The following TLN2 variants were observed in gnomAD, a reference collection of about 807,000 sequenced individuals.
The protein encoded by TLN2 is talin 2.
Under a neutral mutation model 294.7 loss-of-function variants are expected in TLN2, and 118 were observed. The observed-to-expected ratio is 0.40, with a 90% confidence interval of 0.34 to 0.47. The LOEUF (loss-of-function observed/expected upper bound fraction) is 0.47, where lower values mean the gene tolerates loss of function less well. TLN2 is among the 20% of genes least tolerant of loss of function. The pLI is 0.84. For synonymous variants in TLN2, 1,431 were observed against 1,304.5 expected, an observed-to-expected ratio of 1.10 and a Z score of -2.09; for missense variants, 3,083 against 3,282.2, an observed-to-expected ratio of 0.94 and a Z score of 1.48.
chr15:62,598,320 C>T (rs939155651), intron 2 of TLN2, among the ~76,000 whole-genome samples: 3 of 152,178 alleles, frequency 2.0e-5, no homozygotes, highest in Non-Finnish European at 4.4e-5. Context: ...TTCTCTGTCT[C>T]TGCCACGTCT....
chr15:62,601,836 G>A (rs141548451), intron 2 of TLN2, among the ~76,000 whole-genome samples: 23 of 152,180 alleles, frequency 1.5e-4, no homozygotes, highest in East Asian at 1.2e-3. Flanking sequence ...TTTTTTTAGC[G>A]TAATTTAATT....
intron 51 of TLN2, among the ~76,000 whole-genome samples, chr15:62,806,376 C>T (rs532666258): frequency 1.3e-5 from 2 of 152,064 alleles, no homozygotes; most frequent in Admixed American, 6.6e-5. Context: ...GAGGCCTCTC[C>T]GAGGGTGGTG....
At chr15:62,394,778 TGGCTTGGGG>T (rs1308549292) in intron 1 of TLN2, among the ~76,000 whole-genome samples, 2 of 152,146 alleles carry the variant, frequency 1.3e-5, no homozygotes, top group Non-Finnish European at 2.9e-5. Context: ...TGACAATCTT[TGGCTTGGGG>T]CAGGTGCCAT....
At chr15:62,480,751 G>A (rs879768882) in intron 1 of TLN2, among the ~76,000 whole-genome samples, 1 of 152,076 alleles carries the variant, frequency 6.6e-6, no homozygotes, top group Non-Finnish European at 1.5e-5. Flanking sequence ...TCATTGTGCC[G>A]GGATGTACTT....
chr15:62,643,191 A>C (rs763219759), intron 3 of TLN2, among the ~76,000 whole-genome samples: 3 of 152,204 alleles, frequency 2.0e-5, no homozygotes, highest in Non-Finnish European at 4.4e-5. Flanking sequence ...GGTGAAAATA[A>C]TTAAAATATC....
At chr15:62,789,668 T>G (rs1208939014) in intron 45 of TLN2, among the ~76,000 whole-genome samples, 1 of 152,084 alleles carries the variant, frequency 6.6e-6, no homozygotes, top group African/African-American at 2.4e-5. Context: ...AAGATACAGG[T>G]GTTCGTCCCG....
intron 6 of TLN2, among the ~76,000 whole-genome samples, chr15:62,652,804 A>G (rs976287269): frequency 6.6e-6 from 1 of 152,190 alleles, no homozygotes; most frequent in Non-Finnish European, 1.5e-5. Flanking sequence ...CCTTTATGAA[A>G]GGAATTACTT....
chr15:62,610,053 T>C (rs1174016969), intron 2 of TLN2, among the ~76,000 whole-genome samples: 3 of 152,196 alleles, frequency 2.0e-5, no homozygotes, highest in African/African-American at 7.2e-5. Flanking sequence ...GTACTTACCC[T>C]GCTCCAGACT....
chr15:62,696,060 T>A (rs1297523323), intron 14 of TLN2, among the ~76,000 whole-genome samples: 1 of 152,214 alleles, frequency 6.6e-6, no homozygotes, highest in East Asian at 1.9e-4. Context: ...TTGGCTGAGA[T>A]CTCAGAATGC....
At chr15:62,603,657 C>G (rs550296763) in intron 2 of TLN2, among the ~76,000 whole-genome samples, 7 of 152,248 alleles carry the variant, frequency 4.6e-5, no homozygotes, top group South Asian at 4.2e-4. Context: ...CGAGGTGACT[C>G]CTTTTGTAAA....
chr15:62,528,759 A>G (rs1339366484), intron 1 of TLN2, among the ~76,000 whole-genome samples: 5 of 146,610 alleles, frequency 3.4e-5, no homozygotes, highest in African/African-American at 1.3e-4. Flanking sequence ...ATATCGATGA[A>G]GACTGAGCCA....
intron 9 of TLN2, among the ~76,000 whole-genome samples, chr15:62,667,206 T>C (rs1054965905): frequency 6.6e-6 from 1 of 152,188 alleles, no homozygotes; most frequent in African/African-American, 2.4e-5. Context: ...GACCTAGTGA[T>C]CCGCCCGCCT....
intron 2 of TLN2, among the ~76,000 whole-genome samples, chr15:62,608,435 A>G (rs1301015732): frequency 6.6e-6 from 1 of 152,172 alleles, no homozygotes; most frequent in East Asian, 1.9e-4. Context: ...GAAGAGCGTA[A>G]GAAGAGATGT....
At chr15:62,764,866 C>T (rs1272384474) in intron 40 of TLN2, among the ~76,000 whole-genome samples, 1 of 151,454 alleles carries the variant, frequency 6.6e-6, no homozygotes, top group Non-Finnish European at 1.5e-5. Flanking sequence ...ACCCAGGAGG[C>T]TGAGGCAGGA....
chr15:62,412,988 G>A (rs2033859944), intron 1 of TLN2, among the ~76,000 whole-genome samples: 1 of 152,202 alleles, frequency 6.6e-6, no homozygotes, highest in African/African-American at 2.4e-5. Context: ...TAGAGAAGTG[G>A]AGAGACTGCA....
intron 9 of TLN2, 108 bp downstream of exon 9, chr15:62,658,006 T>C: frequency 9.1e-7 from 1 of 1,101,754 alleles, no homozygotes; most frequent in East Asian, 2.6e-5. Flanking sequence ...TTTCAATCAT[T>C]TGTGAGAATG....
chr15:62,441,535 T>C (rs910636181), intron 1 of TLN2, among the ~76,000 whole-genome samples: 4 of 152,226 alleles, frequency 2.6e-5, no homozygotes, highest in Non-Finnish European at 4.4e-5. Context: ...CTGACTCCAT[T>C]GTCTGTTGGG....
At chr15:62,834,381 A>G (rs539990982) in intron 55 of TLN2, 2 of 152,146 alleles carry the variant, frequency 1.3e-5, no homozygotes, top group Non-Finnish European at 2.9e-5. Flanking sequence ...AAATGTGGTC[A>G]CCATCATTGT....
intron 14 of TLN2, among the ~76,000 whole-genome samples, 181 bp from the exon 15 acceptor site, chr15:62,697,507 C>G (rs2058429125): frequency 6.6e-6 from 1 of 152,214 alleles, no homozygotes. Flanking sequence ...AAGGATTCAT[C>G]TCAGAGCTCT....
Sources: gnomAD v4.1 joint callset for allele counts (sites outside exome capture counted in the v4.1 genomes callset) on GRCh38, gnomAD v4.1.1 for gene constraint, MANE v1.5 for transcripts, NCBI Gene and HGNC (gene_info 2026-07-23, HGNC 2026-07-21) for gene names.